The following SGCD variants were observed in gnomAD, a reference collection of about 807,000 sequenced individuals.
SGCD encodes sarcoglycan delta, also known as delta-sarcoglycan.
In SGCD, 18 loss-of-function variants were observed where a neutral mutation model predicts 36.6. That is an observed-to-expected ratio of 0.49 (90% CI 0.34 to 0.73). SGCD has a LOEUF of 0.73. Among genes scored for constraint, SGCD ranks in the 30% least tolerant of loss-of-function variants. The probability of loss-of-function intolerance (pLI) is 0.01; values close to 1 mark genes in which losing one functional copy is unlikely to be tolerated. For missense variants in SGCD, 387 were observed against 346.7 expected, an observed-to-expected ratio of 1.12 and a Z score of -0.92; for synonymous variants, 133 against 130.6, an observed-to-expected ratio of 1.02 and a Z score of -0.12.
At chr5:155,737,875 T>C in the SGCD span, among the ~76,000 whole-genome samples, 1 of 152,146 alleles carries the variant, frequency 6.6e-6, no homozygotes, top group Non-Finnish European at 1.5e-5. Flanking sequence ...TAATTTGCCA[T>C]ATATGGGTTT....
chr5:156,549,333 TG>T (rs1281294162), intron 4 of SGCD, among the ~76,000 whole-genome samples: 1 of 152,162 alleles, frequency 6.6e-6, no homozygotes, highest in Non-Finnish European at 1.5e-5. Flanking sequence ...GTGAACATGG[TG>T]GTGTTTTATA....
At chr5:156,514,982 T>C (rs764457228) in intron 4 of SGCD, among the ~76,000 whole-genome samples, 1 of 152,198 alleles carries the variant, frequency 6.6e-6, no homozygotes, top group Admixed American at 6.5e-5. Context: ...TTTCACATCA[T>C]CATATAGTCC....
chr5:156,101,769 C>T (rs982906486), intron 1 of SGCD, among the ~76,000 whole-genome samples: 1 of 152,078 alleles, frequency 6.6e-6, no homozygotes, highest in Non-Finnish European at 1.5e-5. Flanking sequence ...GAGACTTTTT[C>T]AGTCAGATAG....
chr5:155,964,316 T>C (rs1273497347), intron 1 of SGCD, among the ~76,000 whole-genome samples: 3 of 152,120 alleles, frequency 2.0e-5, no homozygotes, highest in Non-Finnish European at 2.9e-5. Flanking sequence ...AACTATACTC[T>C]ATATTGTACT....
chr5:155,895,663 C>G (rs1284924002), intron 1 of SGCD, among the ~76,000 whole-genome samples: 1 of 147,514 alleles, frequency 6.8e-6, no homozygotes, highest in Non-Finnish European at 1.5e-5. Context: ...AGTATAATGA[C>G]TGTATGATTT....
chr5:156,040,312 C>T (rs956146188), intron 1 of SGCD, among the ~76,000 whole-genome samples: 9 of 152,152 alleles, frequency 5.9e-5, no homozygotes, highest in Non-Finnish European at 8.8e-5. Flanking sequence ...CTCCGACAAG[C>T]GGGAGCCCCT....
the SGCD span, among the ~76,000 whole-genome samples, chr5:155,862,262 C>A: frequency 6.6e-6 from 1 of 152,020 alleles, no homozygotes; most frequent in Non-Finnish European, 1.5e-5. Flanking sequence ...TTTATAGATA[C>A]TTTTCCTAAA....
chr5:155,738,836 TGTGA>T, the SGCD span, among the ~76,000 whole-genome samples: 2 of 144,704 alleles, frequency 1.4e-5, no homozygotes, highest in African/African-American at 5.4e-5. Context: ...TGTGTGAGAC[TGTGA>T]GAGAGTATGT....
intron 1 of SGCD, among the ~76,000 whole-genome samples, chr5:155,889,268 A>T (rs935863702): frequency 9.9e-5 from 15 of 152,238 alleles, no homozygotes; most frequent in African/African-American, 3.4e-4. Context: ...TGATAGATTT[A>T]AAAAAAATTC....
chr5:156,211,629 C>G (rs540656875), intron 3 of SGCD, among the ~76,000 whole-genome samples: 1 of 148,738 alleles, frequency 6.7e-6, no homozygotes, highest in Non-Finnish European at 1.5e-5. Flanking sequence ...AAAAAAGATG[C>G]AAGAAAACAG....
chr5:156,652,536 T>C (rs1763501826), intron 7 of SGCD, among the ~76,000 whole-genome samples: 1 of 152,032 alleles, frequency 6.6e-6, no homozygotes, highest in African/African-American at 2.4e-5. Context: ...AGAATCATAT[T>C]GTTAACCAAG....
chr5:156,127,779 T>A (rs1581115913), intron 3 of SGCD, among the ~76,000 whole-genome samples: 1 of 113,322 alleles, frequency 8.8e-6, no homozygotes. Context: ...TGTAAAAAAA[T>A]AAAGAAGCTT....
intron 3 of SGCD, among the ~76,000 whole-genome samples, chr5:156,373,524 A>G (rs1007754368): frequency 5.9e-5 from 9 of 152,362 alleles, no homozygotes; most frequent in African/African-American, 2.2e-4. Flanking sequence ...GAAATTCACC[A>G]GGATTCTTTC....
At chr5:155,833,150 A>G in the SGCD span, among the ~76,000 whole-genome samples, 9 of 151,976 alleles carry the variant, frequency 5.9e-5, no homozygotes, top group African/African-American at 2.2e-4. Context: ...GAATCACTTG[A>G]ACCTGGGAGA....
chr5:156,122,843 TAAAAAAAAAAAAA>T lies in SGCD; in HGVS notation c.-207-984_-207-972del, dbSNP rs33983852. Among the ~76,000 whole-genome samples the T allele has an allele frequency of 8.7e-4, 47 of 54,164 alleles. No homozygotes were observed. In the East Asian group the frequency reaches 8.9e-3, roughly 10 times the overall value. The allele number at this position is 54,164 out of a possible 152,430, so 35.5% of individuals were successfully genotyped here. A position where few individuals can be genotyped will look rare whatever the true frequency, so the allele number is the denominator to read the frequency against. On this transcript the variant is annotated intron_variant, in intron 2 of 9. Transcript: ENST00000517913. The stretch of plus-strand genomic sequence containing the variant: ...ACCAGCATGGTAGTAAAAGATGTGG[TAAAAAAAAAAAAA>T]AAAAAAAAAAAAAAAAAAAAAAAAA...
intron 3 of SGCD, among the ~76,000 whole-genome samples, chr5:156,142,482 A>C (rs879625496): frequency 1.3e-5 from 2 of 152,206 alleles, no homozygotes; most frequent in Non-Finnish European, 2.9e-5. Context: ...CAGGAAGATG[A>C]GGGAATATTT....
intron 3 of SGCD, among the ~76,000 whole-genome samples, chr5:156,318,839 G>C (rs936374592): frequency 1.3e-5 from 2 of 152,024 alleles, no homozygotes; most frequent in Non-Finnish European, 2.9e-5. Flanking sequence ...CAGGTGATCC[G>C]CCTGCCTTGG....
chr5:156,069,480 TATATCTCC>T (rs1312798196), intron 1 of SGCD, among the ~76,000 whole-genome samples: 2 of 152,138 alleles, frequency 1.3e-5, no homozygotes, highest in Admixed American at 6.5e-5. Context: ...TCCATTGATC[TATATCTCC>T]ATTTTGGTAC....
chr5:156,377,311 T>G (rs1207345905), intron 3 of SGCD, among the ~76,000 whole-genome samples: 1 of 152,176 alleles, frequency 6.6e-6, no homozygotes, highest in Non-Finnish European at 1.5e-5. Flanking sequence ...CAAAATAAAT[T>G]TGATATGTTA....
Sources: gnomAD v4.1 joint callset for allele counts (sites outside exome capture counted in the v4.1 genomes callset) on GRCh38, gnomAD v4.1.1 for gene constraint, MANE v1.5 for transcripts, NCBI Gene and HGNC (gene_info 2026-07-23, HGNC 2026-07-21) for gene names.